CNTN3: variants seen among roughly 807,000 people sequenced by gnomAD.
CNTN3 encodes the protein contactin 3, also known as contactin-3.
A neutral mutation model predicts 119.1 loss-of-function variants in CNTN3; 60 were observed. The ratio of observed to expected loss-of-function variants is 0.50; its 90% CI spans 0.41 to 0.62. CNTN3 has a LOEUF of 0.62. CNTN3 is among the 20% of genes least tolerant of loss of function. CNTN3 has a pLI of 0.00. For synonymous variants in CNTN3, 450 were observed against 438.7 expected (o/e 1.03, Z -0.32); for missense variants, 1,101 against 1,242.4 (o/e 0.89, Z 1.71).
rs35769290 is a variant in CNTN3, at chr3:74,366,759, C to CGTGT, written c.947-1061_947-1058dup. On this transcript the variant is annotated intron_variant, in intron 8 of 22. Coordinates refer to ENST00000263665, the MANE Select transcript of CNTN3 (RefSeq NM_020872.3). ...AAGTTTTCTCTTTTATGTGTGTGTGCGTGTGTGTGTGTGTGTGTGTGTATA... is the reference window on the plus strand; with the variant it reads ...AAGTTTTCTCTTTTATGTGTGTGTGCGTGTGTGTGTGTGTGTGTGTGTGTGTATA... 1.6e-3 allele frequency among the ~76,000 whole-genome samples: 123 copies of CGTGT among 78,956 alleles called. 7 individuals carry two copies. Among genetic ancestry groups the CGTGT allele is most frequent in the African/African-American group, 4.7e-3 (85 of 18,216 alleles). The allele number at this position is 78,956 out of a possible 152,430, so 51.8% of individuals were successfully genotyped here.
chr3:74,486,689 C>G, intron 3 of CNTN3, 58 bp from the exon 4 acceptor site: 1 of 1,365,682 alleles, frequency 7.3e-7, no homozygotes, highest in East Asian at 2.5e-5. Context: ...AAAGAAGGCT[C>G]TCCATTATAA....
Position 74,415,799 on chromosome 3 carries a change from C to T in CNTN3, c.454+9046G>A, listed in dbSNP as rs191691789. ...TCGGGCTACATCTCAGCTCCTGAGG[C>T]ATCAGCTTTCTTGGCTGCCTAATCT... On this transcript the variant is annotated intron_variant, in intron 5 of 22. Transcript: ENST00000263665. Among the ~76,000 whole-genome samples, 45 of 152,312 alleles carry T rather than the reference C, an allele frequency of 3.0e-4. No homozygotes were observed. The East Asian group carries it at 4.1e-3, about 14-fold the overall frequency.
intron 19 of CNTN3, among the ~76,000 whole-genome samples, chr3:74,292,924 G>C (rs1487980207): frequency 3.3e-5 from 5 of 152,164 alleles, no homozygotes; most frequent in African/African-American, 1.2e-4. Context: ...TATTGTCATG[G>C]AATTAAAGGA....
At chr3:74,274,891 G>A (rs1338499539) in intron 20 of CNTN3, among the ~76,000 whole-genome samples, 1 of 151,798 alleles carries the variant, frequency 6.6e-6, no homozygotes, top group Admixed American at 6.6e-5. Flanking sequence ...CCCAATACAA[G>A]GAAATCCAAA....
At chr3:74,382,950 T>C (rs1325364847) in intron 5 of CNTN3, among the ~76,000 whole-genome samples, 1 of 152,202 alleles carries the variant, frequency 6.6e-6, no homozygotes, top group Non-Finnish European at 1.5e-5. Context: ...TATTTGATAC[T>C]TTCCTATCAA....
chr3:74,613,252 C>T (rs1387948327), intron 1 of CNTN3, among the ~76,000 whole-genome samples: 4 of 150,968 alleles, frequency 2.6e-5, no homozygotes, highest in African/African-American at 9.7e-5. Context: ...GAAACCACAG[C>T]ACGTACAGTC....
intron 5 of CNTN3, among the ~76,000 whole-genome samples, chr3:74,423,410 C>A (rs149612372): frequency 7.3e-4 from 111 of 152,266 alleles, no homozygotes; most frequent in Non-Finnish European, 1.3e-3. Flanking sequence ...TAGATGTGGG[C>A]TTCCTCAGGA....
rs147627603 is a variant in CNTN3 at position 74,353,672 on chromosome 3, C to T, written c.1364+8218G>A. Among the ~76,000 whole-genome samples the T allele has an allele frequency of 5.5e-4, 83 of 152,094 alleles. 2 individuals carry two copies. Among genetic ancestry groups the T allele is most frequent in the Middle Eastern group, 3.4e-3 (1 of 294 alleles). ...TCGGGAGGCCGAGGCAGGAGAATGG[C>T]GTGAACCCGGGAGGCGGAGCTTGCA... On this transcript the variant is annotated intron_variant, in intron 11 of 22. Transcript: ENST00000263665.
At chr3:74,436,826 A>T (rs553272548) in intron 4 of CNTN3, among the ~76,000 whole-genome samples, 1 of 152,332 alleles carries the variant, frequency 6.6e-6, no homozygotes. Flanking sequence ...TTTTTTAAAT[A>T]ACTCAATTGC....
At chr3:74,361,772 A>G in intron 11 of CNTN3, 118 bp downstream of exon 11, 1 of 1,054,818 alleles carries the variant, frequency 9.5e-7, no homozygotes, top group South Asian at 2.2e-5. Context: ...TTAGTTCTTA[A>G]AGATCTCACA....
rs1054654576 is a variant in CNTN3, at chr3:74,508,380, A to G, written c.56-8595T>C. Among the ~76,000 whole-genome samples, 18 of 152,176 alleles carry G rather than the reference A, an allele frequency of 1.2e-4. 1 individual carries two copies. On this transcript the variant is annotated intron_variant, in intron 2 of 22. Transcript: ENST00000263665. ...CCAGTCTCTGGCAGTTCTTAATAGC[A>G]GTATGAAAATGGACTATTACAACAA...
chr3:74,302,771 G>T lies in CNTN3; in HGVS notation c.1705C>A (p.Leu569Met). The T allele has an allele frequency of 6.2e-7, 1 of 1,612,650 alleles. No homozygotes were observed. Among genetic ancestry groups the T allele is most frequent in the Non-Finnish European group, 8.5e-7 (1 of 1,179,078 alleles). ...SGDLMIRNIQ[L>M]KHSGKYVCMV... is the part of the protein sequence containing the mutation. ...CAAACATATTTCCCACTGTGTTTCA[G>T]CTGAATGTTTCTGATCATTAAATCA... The change falls in exon 14 of 23, where the codon CTG becomes ATG. Residue 569 changes from leucine to methionine, a missense_variant. Coordinates refer to ENST00000263665, the MANE Select transcript of CNTN3 (RefSeq NM_020872.3).
intron 1 of CNTN3, among the ~76,000 whole-genome samples, chr3:74,530,268 T>C (rs997896955): frequency 6.6e-6 from 1 of 151,888 alleles, no homozygotes; most frequent in African/African-American, 2.4e-5. Context: ...GGACCACCAA[T>C]ACTCAGCAGG....
chr3:74,539,998 T>A (rs1478872115), intron 1 of CNTN3, among the ~76,000 whole-genome samples: 1 of 152,238 alleles, frequency 6.6e-6, no homozygotes, highest in African/African-American at 2.4e-5. Flanking sequence ...CATTCTATTA[T>A]GGAAGCTTGC....
At chr3:74,455,873 T>A (rs1290196858) in intron 4 of CNTN3, among the ~76,000 whole-genome samples, 1 of 151,878 alleles carries the variant, frequency 6.6e-6, no homozygotes, top group East Asian at 1.9e-4. Flanking sequence ...CCCAGGAGGG[T>A]CTGAAGCAAC....
At chr3:74,407,189 T>C (rs1701338345) in intron 5 of CNTN3, among the ~76,000 whole-genome samples, 2 of 152,040 alleles carry the variant, frequency 1.3e-5, no homozygotes, top group Admixed American at 1.3e-4. Flanking sequence ...AACACATATA[T>C]TGTGTGGGTG....
intron 11 of CNTN3, among the ~76,000 whole-genome samples, chr3:74,341,954 G>A (rs1220766971): frequency 6.6e-6 from 1 of 152,074 alleles, no homozygotes; most frequent in Non-Finnish European, 1.5e-5. Flanking sequence ...TTCTCAGGAA[G>A]CATATCTCAG....
At position 74,355,279 on chromosome 3, in the gene CNTN3, T is replaced by G. The variant is rs571009374; in HGVS notation, c.1364+6611A>C. Among the ~76,000 whole-genome samples the G allele has an allele frequency of 3.3e-5, 5 of 152,194 alleles. No individual in the cohort carries two copies. The South Asian group carries it at 8.3e-4, about 25-fold the overall frequency. On this transcript the variant is annotated intron_variant, in intron 11 of 22. Transcript: ENST00000263665. Reference sequence around the variant, plus strand: ...TCAAATCATGCCTCTAATCAACAGGTCTTGTTGATATAACATTTTCTCAAA... The same window carrying G: ...TCAAATCATGCCTCTAATCAACAGGGCTTGTTGATATAACATTTTCTCAAA...
chr3:74,431,566 A>G (rs572269289), intron 4 of CNTN3, among the ~76,000 whole-genome samples: 21 of 152,338 alleles, frequency 1.4e-4, no homozygotes, highest in African/African-American at 4.8e-4. Flanking sequence ...AATATCTACT[A>G]AAGTGGAATG....
Sources: gnomAD v4.1 joint callset for allele counts (sites outside exome capture counted in the v4.1 genomes callset) on GRCh38, gnomAD v4.1.1 for gene constraint, MANE v1.5 for transcripts, NCBI Gene and HGNC (gene_info 2026-07-23, HGNC 2026-07-21) for gene names.